Variants in TWNK observed in about 807,000 individuals in gnomAD.
TWNK encodes the protein T7 gp4-like protein with intramitochondrial nucleoid localization.
Under a neutral mutation model 58.2 loss-of-function variants are expected in TWNK, and 36 were observed. The ratio of observed to expected loss-of-function variants is 0.62; its 90% CI spans 0.47 to 0.82. TWNK has a LOEUF of 0.82. Among genes scored for constraint, TWNK ranks in the 40% least tolerant of loss-of-function variants. TWNK has a pLI of 0.00. For synonymous variants in TWNK, 349 were observed against 348.5 expected, an observed-to-expected ratio of 1.00 and a Z score of -0.02; for missense variants, 714 against 881.0, an observed-to-expected ratio of 0.81 and a Z score of 2.40.
rs1212895784 is a variant in TWNK at position 100,987,599 on chromosome 10, GGA to G, written c.-605_-604del. The G allele has an allele frequency of 5.1e-5, 61 of 1,190,596 alleles. No homozygotes were observed. Among genetic ancestry groups the G allele is most frequent in the Non-Finnish European group, 6.5e-5 (57 of 873,650 alleles). The allele number at this position is 1,190,596 out of a possible 1,614,324, so 73.8% of individuals were successfully genotyped here. A position where few individuals can be genotyped will look rare whatever the true frequency, so the allele number is the denominator to read the frequency against. ...GGAGACTCACGTTGCCGGCGAAGTG[GGA>G]GAGAGAAAAGTGGTAACCTGGGGCT... On this transcript the variant is annotated 5_prime_UTR_variant, in exon 1 of 5. An upstream open reading frame in the 5' UTR loses its in-frame stop. Coordinates refer to ENST00000311916, the MANE Select transcript of TWNK (RefSeq NM_021830.5).
At position 100,989,789 on chromosome 10, in the gene TWNK, G is replaced by A. The variant is rs781652026; in HGVS notation, c.1389G>A (p.Arg463=). 1 of 1,614,234 alleles carries A rather than the reference G, an allele frequency of 6.2e-7. No individual in the cohort carries two copies. The highest frequency in any genetic ancestry group is 8.5e-7 in the Non-Finnish European group (1 of 1,180,044). The stretch of plus-strand genomic sequence containing the variant: ...TGCTGACACAGTTTGCCGAGGGGCG[G>A]CTGGAAGATCAACTGGACAAATATG... ...RVMLTQFAEG[R]LEDQLDKYDH... The change falls in exon 2 of 5, where the codon CGG becomes CGA. Residue 463 remains arginine, a synonymous_variant. Transcript: ENST00000311916. This position sits in a 1 kb window ranked among gnomAD's most constrained non-coding sequence, Gnocchi z 7.6.
intron 4 of TWNK, among the ~76,000 whole-genome samples, chr10:100,992,524 TCTTTAAAAAAAAAAAAAAAAAAAAAA>T (rs1851809583): frequency 8.4e-6 from 1 of 119,642 alleles, no homozygotes; most frequent in Non-Finnish European, 1.8e-5. Context: ...TGAGACCCTG[TCTTTAAAAAAAAAAAAAAAAAAAAAA>T]AAAGAATGGT....
Position 100,988,451 on chromosome 10 carries a change from C to G in TWNK, c.241C>G (p.Leu81Val), listed in dbSNP as rs145068570. ...FQDGHSCLRALSPFAESSQLK... is the reference protein window; with the variant it reads ...FQDGHSCLRAVSPFAESSQLK... ...GGATGGTCACAGTTGCCTGCGGGCA[C>G]TGAGCCCCTTTGCAGAGTCTTCACA... is the stretch of plus-strand genomic sequence containing the variant. The change falls in exon 1 of 5, where the codon CTG becomes GTG. Residue 81 changes from leucine (L) to valine (V), a missense_variant. Around this residue, in one of 3 missense-constraint regions of TWNK, gnomAD observed 348 missense variants for 388.4 expected, o/e 0.90. Transcript: ENST00000311916. This position sits in a 1 kb window ranked among gnomAD's most constrained non-coding sequence, Gnocchi z 5.2. 927 of 1,614,152 alleles carry G rather than the reference C, an allele frequency of 5.7e-4. No individual in the cohort carries two copies. Among genetic ancestry groups the G allele is most frequent in the Non-Finnish European group, 7.3e-4 (861 of 1,180,056 alleles).
intron 4 of TWNK, among the ~76,000 whole-genome samples, chr10:100,992,873 G>A (rs1041194183): frequency 5.3e-5 from 8 of 151,604 alleles, no homozygotes; most frequent in Admixed American, 2.0e-4. Flanking sequence ...TGCAACCTCC[G>A]CCTCCCGGAT....
At chr10:100,993,112 C>T in intron 4 of TWNK, 78 bp from the exon 5 acceptor site, 3 of 1,469,192 alleles carry the variant, frequency 2.0e-6, no homozygotes, top group Non-Finnish European at 2.9e-6. Flanking sequence ...TCACTCCTCC[C>T]TGCCCTGTCA....
intron 2 of TWNK, 139 bp downstream of exon 2, chr10:100,990,023 G>A (rs1307499901): frequency 4.1e-6 from 5 of 1,230,246 alleles, no homozygotes; most frequent in South Asian, 3.7e-5. Flanking sequence ...AGAGGGCAGG[G>A]CTGGACACAC....
rs1554886713 is a variant in TWNK at position 100,988,403 on chromosome 10, C to CG, written c.198dup (p.His67AlafsTer39). On this transcript the variant is annotated frameshift_variant, in exon 1 of 5. Coordinates refer to ENST00000311916, the MANE Select transcript of TWNK (RefSeq NM_021830.5). LOFTEE classifies it high-confidence loss of function. This position sits in a 1 kb window ranked among gnomAD's most constrained non-coding sequence, Gnocchi z 5.2. ...TGCAACTGAAATCCGCCAGTATTTG[C>CG]GGGGGCATGGGATCCCCTTCCAGGA... The CG allele has an allele frequency of 6.2e-7, 1 of 1,614,240 alleles. No individual in the cohort carries two copies.
rs1349608049 is a variant in TWNK at position 100,988,343 on chromosome 10, C to T, written c.133C>T (p.Leu45Phe). 1.2e-6 allele frequency: 2 copies of T among 1,614,270 alleles called. No homozygotes were observed. Among genetic ancestry groups the T allele is most frequent in the Admixed American group, 1.7e-5 (1 of 60,030 alleles). ...TCGCAGACGTTACAGGAAGGAGACT[C>T]TCCAAGCCTTGGATATGCCAGTGTT... ...PPRRRYRKET[L>F]QALDMPVLPV... Residue 45 changes from leucine (L) to phenylalanine (F), a missense_variant, in exon 1 of 5, where the codon CTC (leucine) becomes TTC (phenylalanine). Coordinates refer to ENST00000311916, the MANE Select transcript of TWNK (RefSeq NM_021830.5). This position sits in a 1 kb window ranked among gnomAD's most constrained non-coding sequence, Gnocchi z 5.2.
intron 4 of TWNK, among the ~76,000 whole-genome samples, chr10:100,992,021 AAT>A (rs1164271334): frequency 1.4e-5 from 2 of 145,118 alleles, no homozygotes; most frequent in Non-Finnish European, 1.5e-5. Flanking sequence ...CGTCTCAAAA[AAT>A]ATATATATAT....
chr10:100,993,252 G>A lies in TWNK; in HGVS notation c.1797G>A (p.Gly599=), dbSNP rs145585814. 9 of 1,614,116 alleles carry A rather than the reference G, an allele frequency of 5.6e-6. No homozygotes were observed. In the African/African-American group the frequency reaches 9.3e-5, roughly 17 times the overall value. ...ACAGGAAGCTGGTAACCGGGCCAGG[G>A]AAACGGTATCTGCAGGTGTCCAAGA... The part of the protein sequence containing the change: ...LQDRKLVTGP[G]KRYLQVSKNR... The change falls in exon 5 of 5, where the codon GGG becomes GGA. Residue 599 remains glycine (G), a synonymous_variant. Transcript: ENST00000311916.
chr10:100,990,802 C>T, intron 3 of TWNK, 67 bp from the exon 4 acceptor site: 1 of 1,596,580 alleles, frequency 6.3e-7, no homozygotes, highest in Non-Finnish European at 8.6e-7. Context: ...GTGAATGGAT[C>T]AAGAGTATGT....
Position 100,993,889 on chromosome 10 carries a change from A to G in TWNK, c.*379A>G. 4.0e-6 allele frequency: 1 copy of G among 250,806 alleles called. No homozygotes were observed. Among genetic ancestry groups the G allele is most frequent in the Non-Finnish European group, 7.9e-6 (1 of 127,128 alleles). The allele number at this position is 250,806 out of a possible 1,614,324, so 15.5% of individuals were successfully genotyped here. ...CAGGCTAGTGTAGATAAGTGGTCTGAAAAGGTGTCTCTGAGCCGAGGGCAT... is the reference window on the plus strand; with the variant it reads ...CAGGCTAGTGTAGATAAGTGGTCTGGAAAGGTGTCTCTGAGCCGAGGGCAT... On this transcript the variant is annotated 3_prime_UTR_variant, in exon 5 of 5. Transcript: ENST00000311916.
In TWNK at chr10:100,988,754, C is replaced by G; in HGVS notation, c.544C>G (p.Leu182Val). ...TCAGCTGGCTGATACAATGTTTGGCCTTACCAAGGTTACAGATGACACACT... is the reference window on the plus strand; with the variant it reads ...TCAGCTGGCTGATACAATGTTTGGCGTTACCAAGGTTACAGATGACACACT... ...EVQLADTMFG[L>V]TKVTDDTLKR... The change falls in exon 1 of 5, where the codon CTT becomes GTT. Residue 182 changes from leucine (L) to valine (V), a missense_variant. Transcript: ENST00000311916. The surrounding 1 kb of genome is among the most constrained non-coding windows in gnomAD (Gnocchi z 5.2). The G allele has an allele frequency of 1.9e-6, 3 of 1,614,198 alleles. No individual in the cohort carries two copies. Among genetic ancestry groups the G allele is most frequent in the Non-Finnish European group, 2.5e-6 (3 of 1,180,036 alleles).
In TWNK at chr10:100,993,321, C is replaced by T; in HGVS notation, c.1866C>T (p.Asn622=). 6.2e-7 allele frequency: 1 copy of T among 1,614,236 alleles called. No homozygotes were observed. The change falls in exon 5 of 5, where the codon AAC becomes AAT. Residue 622 remains asparagine, a synonymous_variant. Coordinates refer to ENST00000311916, the MANE Select transcript of TWNK (RefSeq NM_021830.5). The part of the protein sequence containing the change: ...GDVGVFPLEF[N]KNSLTFSIPP... ...TAGGTGTCTTCCCGCTTGAGTTCAA[C>T]AAGAACTCCCTCACCTTCTCCATTC... is the stretch of plus-strand genomic sequence containing the variant.
At chr10:100,991,523 C>G (rs1259303251) in intron 4 of TWNK, among the ~76,000 whole-genome samples, 1 of 152,118 alleles carries the variant, frequency 6.6e-6, no homozygotes, top group Non-Finnish European at 1.5e-5. Flanking sequence ...GAATTCAGAG[C>G]AAGGAGCACA....
chr10:100,991,268 T>C (rs1851765433), intron 4 of TWNK: 2 of 560,514 alleles, frequency 3.6e-6, no homozygotes, highest in Admixed American at 6.2e-5. Flanking sequence ...TTCAGTATGA[T>C]AAGAGTATGA....
Position 100,987,823 on chromosome 10 carries a change from G to A in TWNK, c.-388G>A. On this transcript the variant is annotated 5_prime_UTR_variant, in exon 1 of 5. Transcript: ENST00000311916. ...CCTAGGGCAAAGGGACTACAAAAAG[G>A]ATGCAGATGACTATAGAAATGAGGA... 1 of 588,852 alleles carries A rather than the reference G, an allele frequency of 1.7e-6. No homozygotes were observed. The highest frequency in any genetic ancestry group is 2.1e-5 in the South Asian group (1 of 46,586). 36.5% of individuals were successfully genotyped at this position (588,852 alleles called of 1,614,324 possible).
rs746066180 is a variant in TWNK, at chr10:100,988,607, G to A, written c.397G>A (p.Gly133Arg). The change falls in exon 1 of 5, where the codon GGG (glycine) becomes AGG (arginine). Residue 133 changes from glycine to arginine, a missense_variant. Gly to Arg is a moderately radical substitution (Grantham distance 125, BLOSUM62 -2). Around this residue, in one of 3 missense-constraint regions of TWNK, gnomAD observed 348 missense variants for 388.4 expected, o/e 0.90. Coordinates refer to ENST00000311916, the MANE Select transcript of TWNK (RefSeq NM_021830.5). This position sits in a 1 kb window ranked among gnomAD's most constrained non-coding sequence, Gnocchi z 5.2. ...EDFQASVEGR[G>R]DGAREGFLLS... ...CTTCCAGGCCAGCGTGGAGGGGCGAGGGGATGGGGCCAGGGAGGGGTTTCT... is the reference window on the plus strand; with the variant it reads ...CTTCCAGGCCAGCGTGGAGGGGCGAAGGGATGGGGCCAGGGAGGGGTTTCT... 2 of 1,613,914 alleles carry A rather than the reference G, an allele frequency of 1.2e-6. No individual in the cohort carries two copies. Among genetic ancestry groups the A allele is most frequent in the Admixed American group, 3.3e-5 (2 of 60,024 alleles).
At position 100,990,531 on chromosome 10, in the gene TWNK, T is replaced by C; in HGVS notation, c.1580T>C (p.Leu527Pro). 6.2e-7 allele frequency: 1 copy of C among 1,614,194 alleles called. No individual in the cohort carries two copies. The highest frequency in any genetic ancestry group is 8.5e-7 in the Non-Finnish European group (1 of 1,180,024). Reference protein sequence around the residue: ...NLQFMMGHEQLSTDRIAAQDY... With the variant: ...NLQFMMGHEQPSTDRIAAQDY... ...CAGTTCATGATGGGTCACGAGCAGCTGTCCACAGACAGGTGACGGTGACAT... is the reference window on the plus strand; with the variant it reads ...CAGTTCATGATGGGTCACGAGCAGCCGTCCACAGACAGGTGACGGTGACAT... The change falls in exon 3 of 5, where the codon CTG becomes CCG. Residue 527 changes from leucine (L) to proline (P), a missense_variant. Physicochemically the swap from Leu to Pro is moderately conservative, Grantham distance 98. Coordinates refer to ENST00000311916, the MANE Select transcript of TWNK (RefSeq NM_021830.5).
Sources: gnomAD v4.1 joint callset for allele counts (sites outside exome capture counted in the v4.1 genomes callset) on GRCh38, gnomAD v4.1.1 for gene constraint, gnomAD v4.1.1 regional missense constraint, Gnocchi (gnomAD v3.1) non-coding constraint, MANE v1.5 for transcripts, NCBI Gene and HGNC (gene_info 2026-07-23, HGNC 2026-07-21) for gene names.